The following HIBADH variants were observed in gnomAD, a reference collection of about 807,000 sequenced individuals.
The protein encoded by HIBADH is 3-hydroxyisobutyrate dehydrogenase, also known as 3-hydroxyisobutyrate dehydrogenase, mitochondrial.
A neutral mutation model predicts 36.1 loss-of-function variants in HIBADH; 25 were observed. The observed-to-expected ratio is 0.69, with a 90% confidence interval of 0.50 to 0.97. The LOEUF is 0.97. Among genes scored for constraint, HIBADH ranks in the 50% least tolerant of loss-of-function variants. HIBADH has a pLI of 0.00. For synonymous variants in HIBADH, 160 were observed against 149.5 expected (o/e 1.07, Z -0.51); for missense variants, 421 against 418.0 (o/e 1.01, Z -0.06).
At chr7:27,593,553 T>C (rs1784978725) in intron 4 of HIBADH, among the ~76,000 whole-genome samples, 1 of 152,210 alleles carries the variant, frequency 6.6e-6, no homozygotes, top group Non-Finnish European at 1.5e-5. Flanking sequence ...AAACCAAAGC[T>C]ACCACTGTGT....
chr7:27,566,724 A>G (rs560971175), intron 4 of HIBADH, among the ~76,000 whole-genome samples: 1 of 152,226 alleles, frequency 6.6e-6, no homozygotes, highest in East Asian at 1.9e-4. Context: ...CATCCTACAA[A>G]TATGTTGTAT....
chr7:27,584,618 TCAAA>T (rs983439611), intron 4 of HIBADH, among the ~76,000 whole-genome samples: 2 of 152,024 alleles, frequency 1.3e-5, no homozygotes, highest in Non-Finnish European at 2.9e-5. Context: ...AGCTGGCAAC[TCAAA>T]CAATCACCTA....
chr7:27,621,863 A>G (rs966369403), intron 4 of HIBADH, among the ~76,000 whole-genome samples: 1 of 152,186 alleles, frequency 6.6e-6, no homozygotes, highest in African/African-American at 2.4e-5. Flanking sequence ...AAATTAATAC[A>G]AAGAAGAATT....
chr7:27,603,450 G>T (rs1328491170), intron 4 of HIBADH, among the ~76,000 whole-genome samples: 2 of 151,914 alleles, frequency 1.3e-5, no homozygotes, highest in Non-Finnish European at 2.9e-5. Flanking sequence ...GTTAGGTTTT[G>T]TTGTTTTCAT....
At chr7:27,630,222 C>A (rs1271878393) in intron 3 of HIBADH, among the ~76,000 whole-genome samples, 1 of 152,110 alleles carries the variant, frequency 6.6e-6, no homozygotes, top group East Asian at 1.9e-4. Context: ...TTCAAACTTT[C>A]CAAAGTTCTT....
intron 2 of HIBADH, among the ~76,000 whole-genome samples, chr7:27,645,371 T>TTTTTTTTTTG (rs1786046034): frequency 9.0e-6 from 1 of 111,120 alleles, no homozygotes; most frequent in Non-Finnish European, 1.8e-5. Context: ...GGTTTTGATT[T>TTTTTTTTTTG]TTTTTTTTTT....
At chr7:27,658,102 C>T (rs764375406) in intron 1 of HIBADH, among the ~76,000 whole-genome samples, 11 of 152,066 alleles carry the variant, frequency 7.2e-5, no homozygotes, top group Non-Finnish European at 1.0e-4. Flanking sequence ...GGAAAGAAAG[C>T]TTTTAGTTAA....
intron 4 of HIBADH, among the ~76,000 whole-genome samples, chr7:27,595,579 GGTGTGTGTGTGT>G (rs3219776): frequency 4.7e-4 from 67 of 143,432 alleles, no homozygotes; most frequent in African/African-American, 7.5e-4. Flanking sequence ...CATAAGGGCA[GGTGTGTGTGTGT>G]GTGTGTGTGT....
At position 27,538,335 on chromosome 7, in the gene HIBADH, A is replaced by G. The variant is rs1175431084; in HGVS notation, c.695+6T>C. 1 of 1,608,464 alleles carries G rather than the reference A, an allele frequency of 6.2e-7. No homozygotes were observed. Among genetic ancestry groups the G allele is most frequent in the Admixed American group, 1.7e-5 (1 of 59,890 alleles). On this transcript the variant is annotated splice_donor_region_variant and intron_variant, in intron 6 of 7. Coordinates refer to ENST00000265395, the MANE Select transcript of HIBADH (RefSeq NM_152740.4). ...TGTTAGTATAAAAACGTACTATTCAACAAACCTGATTCCAAGATTCATAGC... is the reference window on the plus strand; with the variant it reads ...TGTTAGTATAAAAACGTACTATTCAGCAAACCTGATTCCAAGATTCATAGC...
At chr7:27,639,899 T>C (rs1785929892) in intron 2 of HIBADH, among the ~76,000 whole-genome samples, 1 of 152,218 alleles carries the variant, frequency 6.6e-6, no homozygotes, top group South Asian at 2.1e-4. Flanking sequence ...TCAAAGTTTT[T>C]ATTTCCCTAA....
At chr7:27,635,008 G>A (rs1785812894) in intron 2 of HIBADH, among the ~76,000 whole-genome samples, 1 of 152,096 alleles carries the variant, frequency 6.6e-6, no homozygotes, top group South Asian at 2.1e-4. Flanking sequence ...GTGATAGCTG[G>A]AATGTCACCA....
intron 6 of HIBADH, 24 bp from the exon 7 acceptor site, chr7:27,531,372 G>A (rs146545289): frequency 1.1e-5 from 18 of 1,588,964 alleles, no homozygotes; most frequent in Middle Eastern, 3.4e-4. Context: ...AAGAAAAGAA[G>A]TGTTAAGTGT....
In HIBADH at chr7:27,525,710, G is replaced by C. The variant is rs568168620; in HGVS notation, c.*504C>G. The C allele has an allele frequency of 5.3e-5, 8 of 152,322 alleles. No homozygotes were observed. In the East Asian group the frequency reaches 1.5e-3, roughly 29 times the overall value. The allele number at this position is 152,322 out of a possible 1,614,324, so 9.4% of individuals were successfully genotyped here. A position where few individuals can be genotyped will look rare whatever the true frequency, so the allele number is the denominator to read the frequency against. ...CAGCAACAGTTCTCCTGCTTTATCA[G>C]CTCCCTGGAAAATAAACCAGTAACC... is the stretch of plus-strand genomic sequence containing the variant. On this transcript the variant is annotated 3_prime_UTR_variant, in exon 8 of 8. Transcript: ENST00000265395.
intron 4 of HIBADH, among the ~76,000 whole-genome samples, chr7:27,588,849 T>C (rs1401972441): frequency 1.3e-5 from 2 of 152,224 alleles, no homozygotes; most frequent in Non-Finnish European, 2.9e-5. Context: ...CCTATATGCT[T>C]GGCCTTAAAC....
intron 4 of HIBADH, among the ~76,000 whole-genome samples, chr7:27,602,482 G>A (rs949030619): frequency 1.3e-5 from 2 of 152,184 alleles, no homozygotes; most frequent in East Asian, 3.8e-4. Context: ...CATGGATGTT[G>A]TAGCTCTTAC....
chr7:27,599,088 A>C (rs769981946), intron 4 of HIBADH, among the ~76,000 whole-genome samples: 3 of 152,292 alleles, frequency 2.0e-5, no homozygotes, highest in Non-Finnish European at 4.4e-5. Flanking sequence ...CCCATTCAAA[A>C]ATTTTAGTTC....
intron 2 of HIBADH, among the ~76,000 whole-genome samples, chr7:27,638,298 T>C (rs1034750979): frequency 2.9e-5 from 2 of 67,822 alleles, no homozygotes; most frequent in Non-Finnish European, 5.6e-5. Context: ...CATCTGATCT[T>C]TGGCAAAGTC....
intron 4 of HIBADH, among the ~76,000 whole-genome samples, chr7:27,553,599 G>C (rs1325492758): frequency 6.6e-6 from 1 of 152,156 alleles, no homozygotes; most frequent in Non-Finnish European, 1.5e-5. Flanking sequence ...TGCAGAGTGG[G>C]GTTTTTAAAG....
At chr7:27,636,272 C>T (rs751671842) in intron 2 of HIBADH, among the ~76,000 whole-genome samples, 6 of 152,176 alleles carry the variant, frequency 3.9e-5, no homozygotes, top group Admixed American at 2.0e-4. Flanking sequence ...AGATGGGTAA[C>T]AGAAATTTAT....
Sources: allele counts gnomAD v4.1 joint callset (sites outside exome capture counted in the v4.1 genomes callset), GRCh38; gene constraint gnomAD v4.1.1; transcripts MANE v1.5; gene names NCBI Gene and HGNC (gene_info 2026-07-23, HGNC 2026-07-21).